DEPTOR: variants seen among roughly 807,000 people sequenced by gnomAD.
DEPTOR encodes DEP domain-containing mTOR-interacting protein.
Under a neutral mutation model 41.6 loss-of-function variants are expected in DEPTOR, and 41 were observed. That is an observed-to-expected ratio of 0.98 (90% confidence interval 0.77 to 1.28). DEPTOR has a LOEUF of 1.28. Among genes scored for constraint, DEPTOR ranks in the 50% most tolerant of loss-of-function variants. The pLI is 0.00. For synonymous variants in DEPTOR, 195 were observed against 192.3 expected (o/e 1.01, Z -0.12); for missense variants, 514 against 527.9 (o/e 0.97, Z 0.26).
intron 1 of DEPTOR, among the ~76,000 whole-genome samples, chr8:119,877,333 A>G (rs1226667268): frequency 6.6e-6 from 1 of 152,270 alleles, no homozygotes; most frequent in Non-Finnish European, 1.5e-5. Flanking sequence ...AGTATTCAAT[A>G]TACTTCTGTT....
chr8:119,973,744 A>G (rs555644574), intron 4 of DEPTOR, among the ~76,000 whole-genome samples: 4 of 152,224 alleles, frequency 2.6e-5, no homozygotes, highest in Admixed American at 6.6e-5. Flanking sequence ...TAGTCAGAGC[A>G]CTTCAACAAT....
chr8:119,999,995 A>G (rs914129174), intron 4 of DEPTOR, among the ~76,000 whole-genome samples: 2 of 152,230 alleles, frequency 1.3e-5, no homozygotes, highest in Admixed American at 6.5e-5. Context: ...TGACATCTGA[A>G]TAAGGGCCGT....
chr8:119,922,636 T>C (rs533541398), intron 1 of DEPTOR, among the ~76,000 whole-genome samples: 310 of 152,356 alleles, frequency 2.0e-3, no homozygotes, highest in African/African-American at 7.1e-3. Flanking sequence ...TAGAATTGAC[T>C]GCCTCAGGGA....
At chr8:119,922,926 T>C (rs1199893735) in intron 1 of DEPTOR, among the ~76,000 whole-genome samples, 1 of 152,186 alleles carries the variant, frequency 6.6e-6, no homozygotes, top group Non-Finnish European at 1.5e-5. Flanking sequence ...GGATAGTGTG[T>C]AGTGCTTCTC....
chr8:119,927,113 A>G (rs767342998), intron 1 of DEPTOR, among the ~76,000 whole-genome samples: 3 of 152,200 alleles, frequency 2.0e-5, no homozygotes, highest in Non-Finnish European at 2.9e-5. Context: ...CAACATATGC[A>G]TATCACAGCA....
chr8:119,882,806 G>A (rs181286994), intron 1 of DEPTOR, among the ~76,000 whole-genome samples: 174 of 152,244 alleles, frequency 1.1e-3, no homozygotes, highest in African/African-American at 3.7e-3. Flanking sequence ...ATTAGGAAAT[G>A]ACAAAGGAAA....
At chr8:120,014,735 C>T (rs890487806) in intron 8 of DEPTOR, among the ~76,000 whole-genome samples, 3 of 151,946 alleles carry the variant, frequency 2.0e-5, no homozygotes, top group Admixed American at 6.6e-5. Context: ...GTTGGCCAGG[C>T]TTGTCTCAAA....
At chr8:120,044,077 A>AAAG (rs886448550) in intron 8 of DEPTOR, among the ~76,000 whole-genome samples, 3 of 151,964 alleles carry the variant, frequency 2.0e-5, no homozygotes, top group African/African-American at 7.2e-5. Flanking sequence ...CTAACAAAAA[A>AAAG]AAAAAAGAAA....
chr8:119,948,756 C>T (rs908342354), intron 3 of DEPTOR, among the ~76,000 whole-genome samples: 2 of 151,930 alleles, frequency 1.3e-5, no homozygotes, highest in Non-Finnish European at 2.9e-5. Context: ...CTTTCTGTCT[C>T]TATACATTTC....
chr8:119,877,297 CAGTA>C (rs1263077915), intron 1 of DEPTOR, among the ~76,000 whole-genome samples: 3 of 152,196 alleles, frequency 2.0e-5, no homozygotes, highest in Non-Finnish European at 2.9e-5. Context: ...AGTAACTACT[CAGTA>C]AGTAGTTAAA....
At chr8:119,959,158 C>CTTTTTTTTTT (rs60202859) in intron 3 of DEPTOR, among the ~76,000 whole-genome samples, 20 of 114,872 alleles carry the variant, frequency 1.7e-4, no homozygotes, top group African/African-American at 2.7e-4. Flanking sequence ...TTCTTTCTTT[C>CTTTTTTTTTT]TTTTTTTTTT....
chr8:119,900,473 AC>A (rs1164234234), intron 1 of DEPTOR, among the ~76,000 whole-genome samples: 1 of 124,664 alleles, frequency 8.0e-6, no homozygotes, highest in Non-Finnish European at 1.5e-5. Context: ...TGCAACCTTG[AC>A]CCCCTGAGCT....
intron 4 of DEPTOR, among the ~76,000 whole-genome samples, chr8:119,993,683 A>C (rs549606284): frequency 1.4e-4 from 22 of 152,322 alleles, no homozygotes; most frequent in Non-Finnish European, 2.4e-4. Flanking sequence ...GAAATGTAGA[A>C]TTGGAACAAA....
Position 119,988,735 on chromosome 8 carries a change from G to A in DEPTOR, c.605-12790G>A, listed in dbSNP as rs534049104. On this transcript the variant is annotated intron_variant, in intron 4 of 8. Coordinates refer to ENST00000286234, the MANE Select transcript of DEPTOR (RefSeq NM_022783.4). ...TGACCTCAAGCGAACTGCCCGCCTC[G>A]GGTCCCCAAAGTGCTGGGATTACAG... Among the ~76,000 whole-genome samples the A allele has an allele frequency of 5.3e-5, 8 of 152,114 alleles. No individual in the cohort carries two copies. In the South Asian group the frequency reaches 1.7e-3, roughly 32 times the overall value.
At chr8:119,995,577 C>T (rs1812247943) in intron 4 of DEPTOR, among the ~76,000 whole-genome samples, 1 of 149,760 alleles carries the variant, frequency 6.7e-6, no homozygotes, top group South Asian at 2.1e-4. Flanking sequence ...CAGAGCAAGG[C>T]TCCTCTGTCT....
At chr8:120,044,825 C>T (rs1813131146) in intron 8 of DEPTOR, among the ~76,000 whole-genome samples, 1 of 152,172 alleles carries the variant, frequency 6.6e-6, no homozygotes. Flanking sequence ...AGGTTGCCTG[C>T]TATTTTGAAA....
intron 4 of DEPTOR, among the ~76,000 whole-genome samples, chr8:119,975,109 T>G (rs1211698534): frequency 1.3e-5 from 2 of 151,652 alleles, no homozygotes; most frequent in Admixed American, 6.6e-5. Context: ...GAGACCAGCT[T>G]GGGCAACATA....
intron 1 of DEPTOR, among the ~76,000 whole-genome samples, chr8:119,875,822 T>A (rs1586592785): frequency 6.6e-6 from 1 of 152,332 alleles, no homozygotes; most frequent in Admixed American, 6.5e-5. Flanking sequence ...CAAAACAATT[T>A]GGTTGATAAG....
intron 8 of DEPTOR, 109 bp from the exon 9 acceptor site, chr8:120,049,467 G>A: frequency 7.6e-7 from 1 of 1,313,224 alleles, no homozygotes; most frequent in Non-Finnish European, 1.0e-6. Context: ...GATACATTTG[G>A]ATATTTTAAG....
Sources: gnomAD v4.1 joint callset for allele counts (sites outside exome capture counted in the v4.1 genomes callset) on GRCh38, gnomAD v4.1.1 for gene constraint, MANE v1.5 for transcripts, NCBI Gene and HGNC (gene_info 2026-07-23, HGNC 2026-07-21) for gene names.